FANCC: variants seen among roughly 807,000 people sequenced by gnomAD.
FANCC encodes Fanconi anemia group C protein.
Under a neutral mutation model 71.3 loss-of-function variants are expected in FANCC, and 55 were observed. The ratio of observed to expected loss-of-function variants is 0.77; its 90% confidence interval spans 0.62 to 0.97. The LOEUF (loss-of-function observed/expected upper bound fraction) is 0.97. Ranked by LOEUF, FANCC falls within the 50% of genes least tolerant of loss-of-function variation. FANCC has a pLI of 0.00. For synonymous variants in FANCC, 275 were observed against 244.9 expected (o/e 1.12, Z -1.15); for missense variants, 678 against 670.9 (o/e 1.01, Z -0.12).
At chr9:95,141,768 GTTC>G (rs1254294074) in intron 7 of FANCC, among the ~76,000 whole-genome samples, 2 of 152,094 alleles carry the variant, frequency 1.3e-5, no homozygotes, top group Admixed American at 1.3e-4. Context: ...CATAAATTAG[GTTC>G]TTCTGATAGA....
At chr9:95,109,374 A>G (rs1006763919) in intron 13 of FANCC, among the ~76,000 whole-genome samples, 3 of 152,106 alleles carry the variant, frequency 2.0e-5, no homozygotes, top group Non-Finnish European at 2.9e-5. Flanking sequence ...AAGCCTTTGC[A>G]TGGATCTCTA....
intron 3 of FANCC, among the ~76,000 whole-genome samples, chr9:95,246,587 A>C (rs1035797099): frequency 2.0e-5 from 3 of 152,232 alleles, no homozygotes; most frequent in African/African-American, 7.2e-5. Context: ...AGGACAACAA[A>C]GAGAACTAAA....
intron 8 of FANCC, among the ~76,000 whole-genome samples, chr9:95,130,316 G>T (rs1826707752): frequency 6.6e-6 from 1 of 151,990 alleles, no homozygotes; most frequent in Non-Finnish European, 1.5e-5. Context: ...GAGAGAGAGA[G>T]AGAGAGAATA....
At chr9:95,249,065 G>A in intron 2 of FANCC, 62 bp downstream of exon 2, 5 of 1,574,846 alleles carry the variant, frequency 3.2e-6, no homozygotes, top group South Asian at 1.1e-5. Flanking sequence ...TTCTGTCTTG[G>A]TGAAATCTGG....
At position 95,100,903 on chromosome 9, in the gene FANCC, C is replaced by G. The variant is rs980515995; in HGVS notation, c.*804G>C. On this transcript the variant is annotated 3_prime_UTR_variant, in exon 15 of 15. Transcript: ENST00000289081. ...CCTTGGCCTCCCAAAGTGCTGGGATCACAGGTGTGAGCCACTGCACCCAGC... is the reference window on the plus strand; with the variant it reads ...CCTTGGCCTCCCAAAGTGCTGGGATGACAGGTGTGAGCCACTGCACCCAGC... 4 of 232,664 alleles carry G rather than the reference C, an allele frequency of 1.7e-5. No homozygotes were observed. Among genetic ancestry groups the G allele is most frequent in the African/African-American group, 8.8e-5 (4 of 45,302 alleles). The allele number at this position is 232,664 out of a possible 1,614,324, so 14.4% of individuals were successfully genotyped here.
chr9:95,264,130 T>G (rs941129120), intron 1 of FANCC, among the ~76,000 whole-genome samples: 1 of 152,216 alleles, frequency 6.6e-6, no homozygotes, highest in African/African-American at 2.4e-5. Context: ...AATGTGGAAC[T>G]GCTCTTTTTG....
chr9:95,125,947 T>G (rs1825915759), intron 9 of FANCC, among the ~76,000 whole-genome samples: 1 of 152,150 alleles, frequency 6.6e-6, no homozygotes, highest in Non-Finnish European at 1.5e-5. Context: ...TGGTTAAAAC[T>G]CCCACTAACT....
chr9:95,105,017 T>C (rs2071333276), intron 14 of FANCC, among the ~76,000 whole-genome samples: 1 of 152,226 alleles, frequency 6.6e-6, no homozygotes, highest in African/African-American at 2.4e-5. Flanking sequence ...CAGGTGTGCA[T>C]TTTATAAGAG....
At chr9:95,112,793 C>T (rs1194551173) in intron 12 of FANCC, among the ~76,000 whole-genome samples, 4 of 152,252 alleles carry the variant, frequency 2.6e-5, no homozygotes, top group Non-Finnish European at 5.9e-5. Context: ...ATGTGGCCAC[C>T]TGAAAGGTAT....
chr9:95,292,499 G>A (rs1211802925), intron 1 of FANCC: 1 of 1,431,372 alleles, frequency 7.0e-7, no homozygotes, highest in Non-Finnish European at 9.1e-7. Context: ...CCGCGGGGGT[G>A]ACGCAGCAGC....
intron 4 of FANCC, among the ~76,000 whole-genome samples, chr9:95,188,445 A>G (rs1826869570): frequency 6.6e-6 from 1 of 152,186 alleles, no homozygotes; most frequent in Non-Finnish European, 1.5e-5. Context: ...GCCCCTAGGG[A>G]GAAGACACAA....
At chr9:95,152,511 C>A (rs1588187061) in intron 6 of FANCC, among the ~76,000 whole-genome samples, 1 of 152,172 alleles carries the variant, frequency 6.6e-6, no homozygotes, top group African/African-American at 2.4e-5. Context: ...ACCCAGTGAA[C>A]CGGGGAGGAT....
At chr9:95,261,096 T>A (rs1328898066) in intron 1 of FANCC, among the ~76,000 whole-genome samples, 1 of 152,206 alleles carries the variant, frequency 6.6e-6, no homozygotes, top group Admixed American at 6.5e-5. Context: ...GGGAGAGACG[T>A]TCAATTCATT....
intron 1 of FANCC, among the ~76,000 whole-genome samples, chr9:95,286,899 C>G (rs1833721318): frequency 6.6e-6 from 1 of 152,048 alleles, no homozygotes; most frequent in Non-Finnish European, 1.5e-5. Context: ...AAATAATTTG[C>G]TCCTGAATTC....
In FANCC at chr9:95,182,317, G is replaced by T. The variant is rs531862403; in HGVS notation, c.346-10170C>A. 3.3e-5 allele frequency among the ~76,000 whole-genome samples: 5 copies of T among 151,876 alleles called. No individual in the cohort carries two copies. In the South Asian group the frequency reaches 8.3e-4, roughly 25 times the overall value. ...AGGCGGATCACAAGGTCAGGAGATC[G>T]AGACCATCCTGGCTAACATGGTGAA... is the stretch of plus-strand genomic sequence containing the variant. On this transcript the variant is annotated intron_variant, in intron 4 of 14. Coordinates refer to ENST00000289081, the MANE Select transcript of FANCC (RefSeq NM_000136.3).
At chr9:95,226,821 C>T (rs1015864157) in intron 4 of FANCC, among the ~76,000 whole-genome samples, 1 of 152,134 alleles carries the variant, frequency 6.6e-6, no homozygotes, top group Non-Finnish European at 1.5e-5. Flanking sequence ...ACAACCATAT[C>T]ATATTCAGCT....
chr9:95,294,545 C>A (rs1834259468), intron 1 of FANCC: 6 of 1,546,232 alleles, frequency 3.9e-6, no homozygotes, highest in Non-Finnish European at 5.4e-6. Context: ...ACTGATTCAT[C>A]TGACACAGAG....
At chr9:95,179,174 T>G (rs1826191038) in intron 4 of FANCC, among the ~76,000 whole-genome samples, 1 of 152,160 alleles carries the variant, frequency 6.6e-6, no homozygotes, top group Non-Finnish European at 1.5e-5. Context: ...TCAATTTCCC[T>G]TAGTTTATTC....
intron 4 of FANCC, among the ~76,000 whole-genome samples, chr9:95,202,276 C>CAG (rs1429833263): frequency 1.3e-5 from 2 of 152,184 alleles, no homozygotes; most frequent in East Asian, 3.9e-4. Flanking sequence ...GATGCCAGGG[C>CAG]AGAGGGAACT....
Sources: allele counts gnomAD v4.1 joint callset (sites outside exome capture counted in the v4.1 genomes callset), GRCh38; gene constraint gnomAD v4.1.1; transcripts MANE v1.5; gene names NCBI Gene and HGNC (gene_info 2026-07-23, HGNC 2026-07-21).